UGT2A1: variants seen among roughly 807,000 people sequenced by gnomAD.
The protein encoded by UGT2A1 is UDP glucuronosyltransferase family 2 member A1 complex locus.
A neutral mutation model predicts 45.4 loss-of-function variants in UGT2A1; 61 were observed. The ratio of observed to expected loss-of-function variants is 1.34; its 90% CI spans 1.09 to 1.66. UGT2A1 has a LOEUF of 1.66. UGT2A1 is among the 40% of genes most tolerant of loss of function. The pLI is 0.00. For missense variants in UGT2A1, 649 were observed against 574.3 expected (o/e 1.13, Z -1.33); for synonymous variants, 229 against 196.2 (o/e 1.17, Z -1.40).
rs1346010292 is a variant in UGT2A1, at chr4:69,646,911, A to G, written c.715+19T>C. 5.9e-6 allele frequency: 9 copies of G among 1,522,290 alleles called. No individual in the cohort carries two copies. Among genetic ancestry groups the G allele is most frequent in the Non-Finnish European group, 7.9e-6 (9 of 1,140,132 alleles). The allele number at this position is 1,522,290 out of a possible 1,614,324, so 94.3% of individuals were successfully genotyped here. On this transcript the variant is annotated intron_variant, in intron 2 of 6. Coordinates refer to ENST00000286604, the MANE Select transcript of UGT2A1 (RefSeq NM_001252275.3). ...TGTTTGTTCAAATTCAAGTAATAAA[A>G]ACAAAATTTGTTACATACCTAAAGC... is the stretch of plus-strand genomic sequence containing the variant.
At chr4:69,591,128 T>C (rs186833029) in intron 6 of UGT2A1, among the ~76,000 whole-genome samples, 2 of 152,146 alleles carry the variant, frequency 1.3e-5, no homozygotes, top group African/African-American at 2.4e-5. Context: ...ATCAATAGTT[T>C]TGTCAATGAA....
intron 1 of UGT2A1, among the ~76,000 whole-genome samples, chr4:69,651,997 C>G (rs1722546908): frequency 6.6e-6 from 1 of 152,116 alleles, no homozygotes; most frequent in Non-Finnish European, 1.5e-5. Context: ...GAGTCTCTTC[C>G]AAGTACGTTT....
intron 3 of UGT2A1, 143 bp from the exon 4 acceptor site, chr4:69,599,537 TAAG>T: frequency 1.7e-6 from 2 of 1,165,866 alleles, no homozygotes; most frequent in South Asian, 2.1e-5. Flanking sequence ...GTTTATATAT[TAAG>T]AAGAAGGAGA....
intron 6 of UGT2A1, among the ~76,000 whole-genome samples, chr4:69,593,708 T>C (rs918690181): frequency 6.6e-6 from 1 of 151,772 alleles, no homozygotes; most frequent in Non-Finnish European, 1.5e-5. Flanking sequence ...AATTATCCAC[T>C]ACCCTATATC....
At chr4:69,597,987 G>A (rs558091307) in intron 4 of UGT2A1, among the ~76,000 whole-genome samples, 3 of 152,250 alleles carry the variant, frequency 2.0e-5, no homozygotes, top group Admixed American at 6.5e-5. Context: ...GTGAGAATAT[G>A]TGTATATGTG....
At chr4:69,616,605 T>C (rs1720403130) in intron 3 of UGT2A1, among the ~76,000 whole-genome samples, 1 of 151,942 alleles carries the variant, frequency 6.6e-6, no homozygotes, top group African/African-American at 2.4e-5. Flanking sequence ...CAGTTTACCA[T>C]TTCCTGTAAA....
At chr4:69,600,332 C>A (rs1251696729) in intron 3 of UGT2A1, among the ~76,000 whole-genome samples, 3 of 152,178 alleles carry the variant, frequency 2.0e-5, no homozygotes, top group African/African-American at 7.2e-5. Flanking sequence ...AGAGAAAAGT[C>A]ACTCCTAATC....
At position 69,599,306 on chromosome 4, in the gene UGT2A1, G is replaced by A. The variant is rs1282792325; in HGVS notation, c.936C>T (p.Tyr312=). ...TYWDFEFPRP[Y]LPNFEFVGGL... ...CTCCAACAAACTCAAAATTAGGTAA[G>A]TATGGACGAGGAAATTCAAAATCCC... Residue 312 remains tyrosine, a synonymous_variant, in exon 4 of 7, where the codon TAC becomes TAT. Transcript: ENST00000286604. 1 of 1,613,876 alleles carries A rather than the reference G, an allele frequency of 6.2e-7. No individual in the cohort carries two copies. Among genetic ancestry groups the A allele is most frequent in the Non-Finnish European group, 8.5e-7 (1 of 1,179,936 alleles).
chr4:69,644,506 G>A (rs922600709), intron 2 of UGT2A1, among the ~76,000 whole-genome samples: 2 of 151,654 alleles, frequency 1.3e-5, no homozygotes, highest in African/African-American at 4.8e-5. Flanking sequence ...GGATATGAAG[G>A]AGATTTTGCC....
At chr4:69,639,732 C>T (rs2109970190) in intron 2 of UGT2A1, 1 of 1,283,346 alleles carries the variant, frequency 7.8e-7, no homozygotes, top group East Asian at 2.6e-5. Context: ...GATGGTTACA[C>T]TCAGTCGTAG....
chr4:69,622,262 C>T (rs778255630), intron 3 of UGT2A1, among the ~76,000 whole-genome samples: 1 of 151,052 alleles, frequency 6.6e-6, no homozygotes, highest in Non-Finnish European at 1.5e-5. Flanking sequence ...TGTCAAAATA[C>T]ATAACAAAGT....
At chr4:69,610,766 G>T (rs1719988887) in intron 3 of UGT2A1, among the ~76,000 whole-genome samples, 1 of 152,086 alleles carries the variant, frequency 6.6e-6, no homozygotes. Flanking sequence ...AAAACTTCAA[G>T]AAAAAACAGA....
intron 3 of UGT2A1, among the ~76,000 whole-genome samples, chr4:69,612,340 C>T (rs1312829848): frequency 1.3e-5 from 2 of 151,988 alleles, no homozygotes. Context: ...AAGTAATTTA[C>T]ACATTCAATG....
chr4:69,601,884 GACTCTT>G (rs1719319079), intron 3 of UGT2A1, among the ~76,000 whole-genome samples: 1 of 136,552 alleles, frequency 7.3e-6, no homozygotes, highest in Non-Finnish European at 1.6e-5. Context: ...GGCCCTCAGA[GACTCTT>G]ACTCTTGGGC....
At chr4:69,649,994 T>A (rs1476005137) in intron 1 of UGT2A1, among the ~76,000 whole-genome samples, 1 of 152,086 alleles carries the variant, frequency 6.6e-6, no homozygotes, top group East Asian at 1.9e-4. Flanking sequence ...TTGTGTGCCA[T>A]ATGAAAATTA....
At chr4:69,619,228 C>A (rs1577976495) in intron 3 of UGT2A1, among the ~76,000 whole-genome samples, 2 of 151,648 alleles carry the variant, frequency 1.3e-5, no homozygotes, top group Admixed American at 6.6e-5. Context: ...GGAGACATAT[C>A]TCTATAAAAA....
intron 3 of UGT2A1, among the ~76,000 whole-genome samples, chr4:69,634,006 G>A (rs997921981): frequency 3.9e-5 from 6 of 152,142 alleles, no homozygotes; most frequent in Non-Finnish European, 7.4e-5. Flanking sequence ...AGCACTTTGG[G>A]AGGCCGAGGC....
chr4:69,610,720 G>GA lies in UGT2A1; in HGVS notation c.848-11327dup, dbSNP rs1291093203. On this transcript the variant is annotated intron_variant, in intron 3 of 6. Coordinates refer to ENST00000286604, the MANE Select transcript of UGT2A1 (RefSeq NM_001252275.3). ...GACACCAGGAATGCCCATATGCAGA[G>GA]AAAAAGCTATATGAGAATATAAGAT... 5.3e-5 allele frequency among the ~76,000 whole-genome samples: 8 copies of GA among 152,186 alleles called. No homozygotes were observed. In the East Asian group the frequency reaches 1.5e-3, roughly 29 times the overall value.
rs1422788413 is a variant in UGT2A1, at chr4:69,647,335, T to C, written c.310A>G (p.Ile104Val). 1 of 1,613,214 alleles carries C rather than the reference T, an allele frequency of 6.2e-7. No homozygotes were observed. Among genetic ancestry groups the C allele is most frequent in the East Asian group, 2.2e-5 (1 of 44,868 alleles). Reference sequence around the variant, plus strand: ...GCCATCTCCTGATAGAATCTCCAAATGGTTGAAGGAGATGGTCTATTTTCC... The same window carrying C: ...GCCATCTCCTGATAGAATCTCCAAACGGTTGAAGGAGATGGTCTATTTTCC... The part of the protein sequence containing the change: ...WLENRPSPST[I>V]WRFYQEMAKV... The change falls in exon 2 of 7, where the codon ATT becomes GTT. Residue 104 changes from isoleucine (I) to valine (V), a missense_variant. Transcript: ENST00000286604.
Sources: gnomAD v4.1 joint callset for allele counts (sites outside exome capture counted in the v4.1 genomes callset) on GRCh38, gnomAD v4.1.1 for gene constraint, MANE v1.5 for transcripts, NCBI Gene and HGNC (gene_info 2026-07-23, HGNC 2026-07-21) for gene names.